The following PKN2 variants were observed in gnomAD, a reference collection of about 807,000 sequenced individuals.
PKN2 encodes the protein protein kinase N2.
Under a neutral mutation model 119.1 loss-of-function variants are expected in PKN2, and 38 were observed. The ratio of observed to expected loss-of-function variants is 0.32; its 90% CI spans 0.25 to 0.42. The LOEUF (loss-of-function observed/expected upper bound fraction) is 0.42. PKN2 is among the 10% of genes least tolerant of loss of function. PKN2 has a pLI of 1.00. For missense variants in PKN2, 850 were observed against 1,165.1 expected (o/e 0.73, Z 3.94); for synonymous variants, 390 against 384.9 (o/e 1.01, Z -0.15).
At chr1:88,741,406 C>CTT in intron 2 of PKN2, 118 bp downstream of exon 2, 1 of 609,152 alleles carries the variant, frequency 1.6e-6, no homozygotes, top group Non-Finnish European at 2.6e-6. Context: ...AGTAGAGAGA[C>CTT]TTTTTCTCTT....
intron 8 of PKN2, among the ~76,000 whole-genome samples, chr1:88,803,107 A>T (rs1465391634): frequency 6.6e-6 from 1 of 152,182 alleles, no homozygotes; most frequent in Non-Finnish European, 1.5e-5. Context: ...TTCTTTCATG[A>T]CAGTTCTCTC....
intron 1 of PKN2, among the ~76,000 whole-genome samples, chr1:88,700,373 C>T (rs1287293751): frequency 6.6e-6 from 1 of 152,126 alleles, no homozygotes; most frequent in Non-Finnish European, 1.5e-5. Context: ...AGTCATAAAG[C>T]CTAAGAATAT....
At chr1:88,781,960 A>G (rs1431782632) in intron 6 of PKN2, among the ~76,000 whole-genome samples, 1 of 152,078 alleles carries the variant, frequency 6.6e-6, no homozygotes, top group African/African-American at 2.4e-5. Flanking sequence ...TCCACCTCCC[A>G]ACGTTAATAG....
rs1242545418 is a variant in PKN2 at position 88,735,626 on chromosome 1, C to CT, written c.49-5353dup. Among the ~76,000 whole-genome samples the CT allele has an allele frequency of 5.4e-3, 460 of 85,576 alleles. 5 individuals are homozygous for CT. The highest frequency in any genetic ancestry group is 0.017 in the African/African-American group (434 of 24,868). The allele number at this position is 85,576 out of a possible 152,430, so 56.1% of individuals were successfully genotyped here. ...CACCCCCCCCCCCCCCACCCCCAATCTTTTTTTTTCTTTAACAATTTGAAT... is the reference window on the plus strand; with the variant it reads ...CACCCCCCCCCCCCCCACCCCCAATCTTTTTTTTTTCTTTAACAATTTGAAT... On this transcript the variant is annotated intron_variant, in intron 1 of 21. Coordinates refer to ENST00000370521, the MANE Select transcript of PKN2 (RefSeq NM_006256.4).
chr1:88,740,020 T>A (rs908272875), intron 1 of PKN2, among the ~76,000 whole-genome samples: 17 of 151,762 alleles, frequency 1.1e-4, no homozygotes, highest in Admixed American at 2.6e-4. Flanking sequence ...AAAAAAAAAA[T>A]AAAAAATAAT....
intron 1 of PKN2, among the ~76,000 whole-genome samples, chr1:88,723,920 A>C (rs1016447739): frequency 6.6e-6 from 1 of 152,130 alleles, no homozygotes; most frequent in East Asian, 1.9e-4. Flanking sequence ...TGGTTCTCAT[A>C]ATAATATTGA....
chr1:88,773,208 A>G (rs1010707548), intron 6 of PKN2, among the ~76,000 whole-genome samples: 3 of 151,252 alleles, frequency 2.0e-5, no homozygotes, highest in Non-Finnish European at 2.9e-5. Context: ...CTGTTTTATA[A>G]GATCCATTCT....
Position 88,719,370 on chromosome 1 carries a change from C to G in PKN2, c.49-21618C>G, listed in dbSNP as rs575560503. Among the ~76,000 whole-genome samples, 8 of 152,230 alleles carry G rather than the reference C, an allele frequency of 5.3e-5. 2 individuals are homozygous for G. Among genetic ancestry groups the G allele is most frequent in the African/African-American group, 1.9e-4 (8 of 41,538 alleles). On this transcript the variant is annotated intron_variant, in intron 1 of 21. Transcript: ENST00000370521. Reference sequence around the variant, plus strand: ...CCAGCTCGGAGTAACTAACAACTTGCTTTTATTTCTTCAGTCTAATGAGTA... The same window carrying G: ...CCAGCTCGGAGTAACTAACAACTTGGTTTTATTTCTTCAGTCTAATGAGTA...
intron 8 of PKN2, 27 bp from the exon 9 acceptor site, chr1:88,804,364 C>T (rs1207506418): frequency 1.7e-5 from 26 of 1,532,714 alleles, no homozygotes; most frequent in South Asian, 2.5e-5. Flanking sequence ...TTTCTGTTTT[C>T]TTTATTATTT....
intron 1 of PKN2, among the ~76,000 whole-genome samples, chr1:88,701,512 A>G (rs142259124): frequency 4.6e-5 from 7 of 152,332 alleles, no homozygotes; most frequent in African/African-American, 1.7e-4. Context: ...GTCAGTGCCT[A>G]TAAAACGAAA....
chr1:88,746,265 G>C (rs1157800198), intron 2 of PKN2, among the ~76,000 whole-genome samples: 2 of 152,074 alleles, frequency 1.3e-5, no homozygotes, highest in Non-Finnish European at 2.9e-5. Context: ...AAAATAGATA[G>C]ATGGGTTTGC....
intron 1 of PKN2, among the ~76,000 whole-genome samples, chr1:88,694,746 C>T (rs1177326029): frequency 6.6e-6 from 1 of 152,132 alleles, no homozygotes; most frequent in African/African-American, 2.4e-5. Context: ...TTTTGTTGTT[C>T]CACACCATCT....
At chr1:88,815,763 C>G (rs1346966130) in intron 16 of PKN2, among the ~76,000 whole-genome samples, 3 of 152,186 alleles carry the variant, frequency 2.0e-5, no homozygotes, top group African/African-American at 7.2e-5. Context: ...AAATAACTGA[C>G]ACAATACCGG....
intron 11 of PKN2, 56 bp from the exon 12 acceptor site, chr1:88,805,835 G>A (rs745663314): frequency 1.2e-4 from 194 of 1,609,300 alleles, no homozygotes; most frequent in Non-Finnish European, 1.6e-4. Flanking sequence ...TTTTAAAGCT[G>A]TTTAAAATAC....
chr1:88,732,761 C>T (rs1668191906), intron 1 of PKN2, among the ~76,000 whole-genome samples: 2 of 151,854 alleles, frequency 1.3e-5, no homozygotes, highest in South Asian at 2.1e-4. Context: ...TTTATATTCC[C>T]AACTTTTTAA....
At chr1:88,732,281 TTTA>T (rs1668171327) in intron 1 of PKN2, among the ~76,000 whole-genome samples, 1 of 152,198 alleles carries the variant, frequency 6.6e-6, no homozygotes, top group South Asian at 2.1e-4. Context: ...TGGAGAAAAT[TTTA>T]TTGTCAAAAA....
intron 8 of PKN2, among the ~76,000 whole-genome samples, chr1:88,798,221 A>G (rs1671168448): frequency 6.6e-6 from 1 of 151,692 alleles, no homozygotes; most frequent in Non-Finnish European, 1.5e-5. Flanking sequence ...AGCCACCATG[A>G]CCAAGCAGAA....
chr1:88,732,919 G>A (rs1170924133), intron 1 of PKN2, among the ~76,000 whole-genome samples: 1 of 152,122 alleles, frequency 6.6e-6, no homozygotes, highest in Non-Finnish European at 1.5e-5. Context: ...AATACCACAT[G>A]ATCTCATTCA....
rs1371780374 is a variant in PKN2 at position 88,836,213 on chromosome 1, C to G, written c.*2765C>G. On this transcript the variant is annotated 3_prime_UTR_variant, in exon 22 of 22. Coordinates refer to ENST00000370521, the MANE Select transcript of PKN2 (RefSeq NM_006256.4). ...AGGTTAGCTTATTTTAATTTAGGACCTGGCTTCTCAAAAAGGCAAATGAAT... is the reference window on the plus strand; with the variant it reads ...AGGTTAGCTTATTTTAATTTAGGACGTGGCTTCTCAAAAAGGCAAATGAAT... 2 of 151,926 alleles carry G rather than the reference C, an allele frequency of 1.3e-5. No homozygotes were observed. The highest frequency in any genetic ancestry group is 2.9e-5 in the Non-Finnish European group (2 of 67,984). The allele number at this position is 151,926 out of a possible 1,614,324, so 9.4% of individuals were successfully genotyped here.
Sources: gnomAD v4.1 joint callset for allele counts (sites outside exome capture counted in the v4.1 genomes callset) on GRCh38, gnomAD v4.1.1 for gene constraint, MANE v1.5 for transcripts, NCBI Gene and HGNC (gene_info 2026-07-23, HGNC 2026-07-21) for gene names.